The following NETO2 variants were observed in gnomAD, a reference collection of about 807,000 sequenced individuals.
NETO2 encodes neuropilin and tolloid like 2, also known as neuropilin and tolloid-like protein 2.
NETO2 carries 28 observed loss-of-function variants against 62.5 expected under a neutral mutation model. That is an observed-to-expected ratio of 0.45 (90% confidence interval 0.33 to 0.61). The LOEUF (loss-of-function observed/expected upper bound fraction) is 0.61, where lower values mean the gene tolerates loss of function less well. Among genes scored for constraint, NETO2 ranks in the 20% least tolerant of loss-of-function variants. The pLI is 0.02. For missense variants in NETO2, 548 were observed against 643.2 expected (o/e 0.85, Z 1.60); for synonymous variants, 214 against 219.1 (o/e 0.98, Z 0.21).
chr16:47,115,736 T>C (rs1963906302), intron 6 of NETO2, among the ~76,000 whole-genome samples: 3 of 143,488 alleles, frequency 2.1e-5, no homozygotes, highest in Non-Finnish European at 3.0e-5. Flanking sequence ...TATATACATG[T>C]ATATATATAT....
intron 4 of NETO2, among the ~76,000 whole-genome samples, chr16:47,126,386 T>C (rs191512940): frequency 6.6e-5 from 10 of 152,294 alleles, no homozygotes; most frequent in Admixed American, 3.3e-4. Flanking sequence ...AAAGGCTCCA[T>C]ACTGTATAAT....
chr16:47,115,481 T>C (rs1312447111), intron 6 of NETO2, among the ~76,000 whole-genome samples: 1 of 151,704 alleles, frequency 6.6e-6, no homozygotes, highest in Non-Finnish European at 1.5e-5. Context: ...GGTACTGTTT[T>C]CTTAATTTTG....
intron 7 of NETO2, among the ~76,000 whole-genome samples, chr16:47,090,780 A>G (rs1435740049): frequency 1.3e-5 from 2 of 152,186 alleles, no homozygotes. Flanking sequence ...TTTCTTTCTT[A>G]AAGAGTGAGG....
At chr16:47,086,417 A>C in intron 7 of NETO2, 78 bp from the exon 8 acceptor site, 1 of 913,054 alleles carries the variant, frequency 1.1e-6, no homozygotes, top group Non-Finnish European at 1.8e-6. Flanking sequence ...ATCTGACTTT[A>C]TAAGAGTACT....
chr16:47,131,924 C>G (rs1165675626), intron 2 of NETO2, 45 bp downstream of exon 2: 1 of 1,500,114 alleles, frequency 6.7e-7, no homozygotes, highest in African/African-American at 1.4e-5. Flanking sequence ...ATAAGCCAGT[C>G]CATTGTCTTA....
At chr16:47,086,831 C>T (rs1963199607) in intron 7 of NETO2, among the ~76,000 whole-genome samples, 1 of 152,152 alleles carries the variant, frequency 6.6e-6, no homozygotes, top group Non-Finnish European at 1.5e-5. Context: ...CAGTTACTTG[C>T]ATACCAATGT....
intron 6 of NETO2, among the ~76,000 whole-genome samples, chr16:47,114,757 T>C (rs1203747502): frequency 1.3e-5 from 2 of 152,072 alleles, no homozygotes; most frequent in African/African-American, 4.8e-5. Context: ...GCCTGAATTT[T>C]TCTTTTATGG....
chr16:47,100,101 A>T (rs188134884), intron 7 of NETO2, among the ~76,000 whole-genome samples: 2 of 152,308 alleles, frequency 1.3e-5, no homozygotes, highest in East Asian at 3.9e-4. Context: ...AGAAATCATA[A>T]CAAACAGTCT....
chr16:47,105,010 G>T (rs959751140), intron 7 of NETO2, among the ~76,000 whole-genome samples: 2 of 150,552 alleles, frequency 1.3e-5, no homozygotes, highest in Admixed American at 1.3e-4. Flanking sequence ...ATGAGCCACT[G>T]TGCCTGGCCT....
chr16:47,104,122 TAA>T (rs891624723), intron 7 of NETO2, among the ~76,000 whole-genome samples: 3 of 152,096 alleles, frequency 2.0e-5, no homozygotes, highest in East Asian at 1.9e-4. Context: ...CAGAAAACCC[TAA>T]AGATCACACC....
rs1223611017 is a variant in NETO2 at position 47,080,446 on chromosome 16, A to AAT, written c.*2773_*2774dup. On this transcript the variant is annotated 3_prime_UTR_variant, in exon 9 of 9. Coordinates refer to ENST00000562435, the MANE Select transcript of NETO2 (RefSeq NM_018092.5). The stretch of plus-strand genomic sequence containing the variant: ...CTAAATTTCATGTCTTCTGTTATTA[A>AAT]ATTTTATGGCTTTCATTTTAGTAAG... 1 of 152,166 alleles carries AAT rather than the reference A, an allele frequency of 6.6e-6. No homozygotes were observed. The highest frequency in any genetic ancestry group is 1.5e-5 in the Non-Finnish European group (1 of 68,016). The allele number at this position is 152,166 out of a possible 1,614,324, so 9.4% of individuals were successfully genotyped here.
chr16:47,114,086 G>A (rs180765818), intron 6 of NETO2, among the ~76,000 whole-genome samples: 2 of 152,170 alleles, frequency 1.3e-5, no homozygotes, highest in African/African-American at 4.8e-5. Context: ...TTCCCAGAGC[G>A]GCTCTATCAT....
chr16:47,099,241 C>T (rs1169833076), intron 7 of NETO2, among the ~76,000 whole-genome samples: 2 of 152,164 alleles, frequency 1.3e-5, no homozygotes, highest in African/African-American at 4.8e-5. Flanking sequence ...AAATAAAATC[C>T]TTTACAGACA....
At chr16:47,086,372 A>G in intron 7 of NETO2, 33 bp from the exon 8 acceptor site, 1 of 1,402,368 alleles carries the variant, frequency 7.1e-7, no homozygotes, top group Non-Finnish European at 1.0e-6. Flanking sequence ...TGCAAAGAGC[A>G]GGCAGACCAC....
Position 47,083,061 on chromosome 16 carries a change from T to C in NETO2, c.*160A>G. 1 of 629,754 alleles carries C rather than the reference T, an allele frequency of 1.6e-6. No homozygotes were observed. The highest frequency in any genetic ancestry group is 2.7e-6 in the Non-Finnish European group (1 of 363,804). 39.0% of individuals were successfully genotyped at this position (629,754 alleles called of 1,614,324 possible). On this transcript the variant is annotated 3_prime_UTR_variant, in exon 9 of 9. Coordinates refer to ENST00000562435, the MANE Select transcript of NETO2 (RefSeq NM_018092.5). ...CTTGATTGGTTTAACATATATAGAC[T>C]GCCTGAGAGAATAAAAACATCACCA...
Position 47,083,179 on chromosome 16 carries a change from T to A in NETO2, c.*42A>T, listed in dbSNP as rs549917038. ...ACAGTATGGTGCCCTGGAGGCTGCG[T>A]ACGTACACACCCTAAGAATTCACAT... On this transcript the variant is annotated 3_prime_UTR_variant, in exon 9 of 9. Transcript: ENST00000562435. The A allele has an allele frequency of 6.5e-7, 1 of 1,541,068 alleles. No homozygotes were observed. Among genetic ancestry groups the A allele is most frequent in the South Asian group, 1.2e-5 (1 of 80,422 alleles).
intron 8 of NETO2, 68 bp from the exon 9 acceptor site, chr16:47,083,869 TA>T: frequency 8.1e-7 from 1 of 1,237,416 alleles, no homozygotes; most frequent in South Asian, 1.5e-5. Flanking sequence ...TACAAATTAG[TA>T]AGGTATTTTT....
chr16:47,109,814 A>T (rs182423317), intron 6 of NETO2, 103 bp from the exon 7 acceptor site: 11 of 742,156 alleles, frequency 1.5e-5, no homozygotes, highest in Non-Finnish European at 2.4e-5. Flanking sequence ...ATGACAGCTG[A>T]CAGAAAACCA....
At chr16:47,112,460 G>A (rs947574149) in intron 6 of NETO2, among the ~76,000 whole-genome samples, 1 of 152,170 alleles carries the variant, frequency 6.6e-6, no homozygotes, top group Non-Finnish European at 1.5e-5. Context: ...CCCAATTCAA[G>A]AGATTCTTGT....
Sources: allele counts gnomAD v4.1 joint callset (sites outside exome capture counted in the v4.1 genomes callset), GRCh38; gene constraint gnomAD v4.1.1; transcripts MANE v1.5; gene names NCBI Gene and HGNC (gene_info 2026-07-23, HGNC 2026-07-21).